Variants in USH2A observed in about 807,000 individuals in gnomAD.
USH2A encodes the protein usherin, also known as Usher syndrome 2A (autosomal recessive, mild).
A neutral mutation model predicts 538.9 loss-of-function variants in USH2A; 443 were observed. The ratio of observed to expected loss-of-function variants is 0.82; its 90% CI spans 0.76 to 0.89. USH2A has a LOEUF of 0.89. Among genes scored for constraint, USH2A ranks in the 40% least tolerant of loss-of-function variants. The pLI is 0.00. For missense variants in USH2A, 6,633 were observed against 6,324.8 expected, an observed-to-expected ratio of 1.05 and a Z score of -1.65; for synonymous variants, 2,413 against 2,273.5, an observed-to-expected ratio of 1.06 and a Z score of -1.75.
chr1:215,727,959 G>T, intron 61 of USH2A, 71 bp downstream of exon 61: 1 of 1,531,992 alleles, frequency 6.5e-7, no homozygotes, highest in Non-Finnish European at 9.0e-7. Context: ...ATGAGAAGTT[G>T]GACAAGAAAA....
chr1:215,766,857 G>A (rs56102983), intron 55 of USH2A, 69 bp from the exon 56 acceptor site: 1 of 1,384,774 alleles, frequency 7.2e-7, no homozygotes, highest in Non-Finnish European at 1.0e-6. Flanking sequence ...AGTACCAGAA[G>A]TAACATGCAG....
intron 44 of USH2A, 38 bp downstream of exon 44, chr1:215,866,969 A>G (rs374413719): frequency 1.5e-5 from 25 of 1,613,750 alleles, no homozygotes; most frequent in Non-Finnish European, 2.1e-5. Flanking sequence ...TTTTAAAAAT[A>G]CACAAAGTGT....
chr1:215,974,747 G>A (rs1667582761), intron 35 of USH2A, among the ~76,000 whole-genome samples: 1 of 152,028 alleles, frequency 6.6e-6, no homozygotes, highest in South Asian at 2.1e-4. Context: ...CTGTTGATGG[G>A]CACCTAGGCT....
At chr1:216,290,002 G>C (rs773000045) in intron 10 of USH2A, among the ~76,000 whole-genome samples, 3 of 151,844 alleles carry the variant, frequency 2.0e-5, no homozygotes, top group Non-Finnish European at 4.4e-5. Flanking sequence ...CTAAATACTA[G>C]AATAGCCTGA....
intron 9 of USH2A, among the ~76,000 whole-genome samples, chr1:216,292,837 C>T (rs2037028986): frequency 6.6e-6 from 1 of 152,056 alleles, no homozygotes; most frequent in Non-Finnish European, 1.5e-5. Context: ...AACAACTCTC[C>T]AATGCTGGTT....
intron 64 of USH2A, among the ~76,000 whole-genome samples, chr1:215,658,084 G>A (rs924705654): frequency 6.6e-6 from 1 of 151,638 alleles, no homozygotes; most frequent in Non-Finnish European, 1.5e-5. Flanking sequence ...ACAGGCGCAC[G>A]CCACCCCGCC....
At chr1:216,401,150 C>T (rs925890846) in intron 3 of USH2A, among the ~76,000 whole-genome samples, 2 of 151,918 alleles carry the variant, frequency 1.3e-5, no homozygotes, top group Non-Finnish European at 2.9e-5. Flanking sequence ...GACAATTATA[C>T]TGAAAAGGTA....
At chr1:215,656,515 C>A (rs541974675) in intron 64 of USH2A, among the ~76,000 whole-genome samples, 4 of 152,296 alleles carry the variant, frequency 2.6e-5, no homozygotes, top group Admixed American at 6.5e-5. Context: ...ACAGGAGTAA[C>A]CAAATTCAGC....
chr1:216,422,220 C>T lies in USH2A; in HGVS notation c.117G>A (p.Arg39=). 1 of 1,612,502 alleles carries T rather than the reference C, an allele frequency of 6.2e-7. No homozygotes were observed. The highest frequency in any genetic ancestry group is 8.5e-7 in the Non-Finnish European group (1 of 1,179,040). The part of the protein sequence containing the change: ...SLTESRGLFP[R]LENVGAFKKV... The stretch of plus-strand genomic sequence containing the variant: ...TCTTGAAAGCTCCCACGTTCTCCAG[C>T]CTTGGGAAAAGACCTCGTGACTCAG... Residue 39 remains arginine, a synonymous_variant, in exon 2 of 72, where the codon AGG becomes AGA. Coordinates refer to ENST00000307340, the MANE Select transcript of USH2A (RefSeq NM_206933.4).
At chr1:215,662,075 C>T (rs891472955) in intron 64 of USH2A, among the ~76,000 whole-genome samples, 3 of 152,182 alleles carry the variant, frequency 2.0e-5, no homozygotes, top group Admixed American at 1.3e-4. Context: ...ACACTTTGAA[C>T]ATTGTAGGTG....
At chr1:215,970,496 AG>A (rs1249473691) in intron 36 of USH2A, 128 bp downstream of exon 36, 2 of 1,184,488 alleles carry the variant, frequency 1.7e-6, no homozygotes, top group Non-Finnish European at 2.4e-6. Context: ...TTTTATAAAA[AG>A]AAAAATCTCC....
intron 61 of USH2A, among the ~76,000 whole-genome samples, chr1:215,695,118 A>C (rs569660622): frequency 8.7e-4 from 133 of 152,330 alleles, no homozygotes; most frequent in Non-Finnish European, 1.2e-3. Flanking sequence ...TAGAGAGGTT[A>C]TGAGACATTC....
intron 38 of USH2A, among the ~76,000 whole-genome samples, chr1:215,933,832 T>G (rs1241640832): frequency 6.6e-6 from 1 of 151,900 alleles, no homozygotes; most frequent in East Asian, 1.9e-4. Context: ...AAAACACACA[T>G]TCTTTAGCAC....
At chr1:215,853,102 C>CT (rs1010840551) in intron 44 of USH2A, among the ~76,000 whole-genome samples, 6 of 152,230 alleles carry the variant, frequency 3.9e-5, no homozygotes, top group African/African-American at 1.4e-4. Flanking sequence ...CCATGAGTGC[C>CT]TGCCCCTGCA....
intron 11 of USH2A, among the ~76,000 whole-genome samples, chr1:216,286,467 G>T (rs1434755585): frequency 6.6e-6 from 1 of 152,110 alleles, no homozygotes; most frequent in Non-Finnish European, 1.5e-5. Flanking sequence ...GGTGGCTCAT[G>T]CCTGTAATCC....
chr1:216,094,126 G>A (rs1322846394), intron 22 of USH2A, among the ~76,000 whole-genome samples: 2 of 152,140 alleles, frequency 1.3e-5, no homozygotes, highest in South Asian at 2.1e-4. Context: ...GGAAAAAGCA[G>A]AGCCAGATTT....
intron 35 of USH2A, among the ~76,000 whole-genome samples, chr1:215,981,853 GC>G (rs1300786730): frequency 2.0e-5 from 3 of 152,136 alleles, no homozygotes; most frequent in African/African-American, 7.2e-5. Context: ...ATTTTACTAA[GC>G]TTTGAGGAAA....
chr1:216,238,158 C>CA (rs1216135274), intron 13 of USH2A, among the ~76,000 whole-genome samples: 1 of 151,966 alleles, frequency 6.6e-6, no homozygotes, highest in Non-Finnish European at 1.5e-5. Context: ...AAAAGAAAAC[C>CA]AAAAGTAAAT....
chr1:215,679,443 A>T (rs1047135282), intron 62 of USH2A, among the ~76,000 whole-genome samples: 1 of 152,126 alleles, frequency 6.6e-6, no homozygotes, highest in Non-Finnish European at 1.5e-5. Flanking sequence ...GAGAGACTGG[A>T]GGTAAAGGCA....
Sources: gnomAD v4.1 joint callset for allele counts (sites outside exome capture counted in the v4.1 genomes callset) on GRCh38, gnomAD v4.1.1 for gene constraint, MANE v1.5 for transcripts, NCBI Gene and HGNC (gene_info 2026-07-23, HGNC 2026-07-21) for gene names.